MAGI2: variants seen among roughly 807,000 people sequenced by gnomAD.
The protein encoded by MAGI2 is membrane-associated guanylate kinase, WW and PDZ domain-containing protein 2.
Under a neutral mutation model 133.3 loss-of-function variants are expected in MAGI2, and 35 were observed. The observed-to-expected ratio is 0.26, with a 90% confidence interval of 0.20 to 0.35. MAGI2 has a LOEUF of 0.35. Among genes scored for constraint, MAGI2 ranks in the 10% least tolerant of loss-of-function variants. MAGI2 has a pLI of 1.00. For missense variants in MAGI2, 1,636 were observed against 1,863.4 expected (o/e 0.88, Z 2.25); for synonymous variants, 729 against 710.6 (o/e 1.03, Z -0.41).
At chr7:79,337,500 G>A (rs1219377087) in intron 1 of MAGI2, among the ~76,000 whole-genome samples, 1 of 152,186 alleles carries the variant, frequency 6.6e-6, no homozygotes, top group South Asian at 2.1e-4. Flanking sequence ...AGTCAGCAGT[G>A]CAGAAAGAGA....
chr7:78,540,633 A>G (rs1232723121), intron 3 of MAGI2, among the ~76,000 whole-genome samples: 1 of 151,996 alleles, frequency 6.6e-6, no homozygotes, highest in Non-Finnish European at 1.5e-5. Flanking sequence ...TGCTTGATCA[A>G]AATGACTACA....
intron 1 of MAGI2, among the ~76,000 whole-genome samples, chr7:79,379,558 ACTAGTTTATAGTC>A (rs1235202982): frequency 1.3e-5 from 2 of 151,930 alleles, no homozygotes; most frequent in Non-Finnish European, 2.9e-5. Flanking sequence ...CAATGGTTGA[ACTAGTTTATAGTC>A]CCACCAACAG....
chr7:79,191,439 G>C (rs1827663911), intron 1 of MAGI2, among the ~76,000 whole-genome samples: 1 of 52,742 alleles, frequency 1.9e-5, no homozygotes, highest in Non-Finnish European at 3.2e-5. Context: ...TTTTTTTAGA[G>C]ATAGGGTCTC....
rs571821067 is a variant in MAGI2 at position 79,381,445 on chromosome 7, A to G, written c.301+71575T>C. On this transcript the variant is annotated intron_variant, in intron 1 of 21. Transcript: ENST00000354212. ...ATTATGTATACTCTCAATTTGATAT[A>G]TAGAGACATTTCTAGTTCTTTCATC... Among the ~76,000 whole-genome samples the G allele has an allele frequency of 4.3e-4, 65 of 151,910 alleles. 1 individual carries two copies. Among genetic ancestry groups the G allele is most frequent in the African/African-American group, 1.5e-3 (62 of 41,528 alleles).
At chr7:78,927,725 T>G (rs1799822066) in intron 2 of MAGI2, among the ~76,000 whole-genome samples, 1 of 151,990 alleles carries the variant, frequency 6.6e-6, no homozygotes, top group Non-Finnish European at 1.5e-5. Context: ...AAGATAAATA[T>G]TATCAATATT....
chr7:78,841,915 C>A (rs74483934), intron 2 of MAGI2, among the ~76,000 whole-genome samples: 158 of 152,048 alleles, frequency 1.0e-3, no homozygotes, highest in African/African-American at 3.7e-3. Context: ...CCCTGCACCT[C>A]ACCTATGGCA....
At chr7:78,171,104 T>G (rs932018082) in intron 14 of MAGI2, among the ~76,000 whole-genome samples, 1 of 152,248 alleles carries the variant, frequency 6.6e-6, no homozygotes, top group Non-Finnish European at 1.5e-5. Context: ...TGCATTATAT[T>G]TCACTGCTGA....
At chr7:78,767,271 G>A (rs989046143) in intron 2 of MAGI2, among the ~76,000 whole-genome samples, 2 of 152,032 alleles carry the variant, frequency 1.3e-5, no homozygotes, top group Admixed American at 6.6e-5. Flanking sequence ...TTACAGGCGT[G>A]AGCCACCACA....
At chr7:78,614,649 A>G (rs150160225) in intron 3 of MAGI2, 12 of 152,310 alleles carry the variant, frequency 7.9e-5, no homozygotes, top group Admixed American at 2.6e-4. Context: ...CATTTATAGA[A>G]TGCATTTCTG....
At position 78,566,109 on chromosome 7, in the gene MAGI2, G is replaced by T. The variant is rs1424415263; in HGVS notation, c.539-44464C>A. ...GGGGAATTGAGAAAGTCAGAGGTGT[G>T]AGATGGCCCCGTTGATGACATCTCT... On this transcript the variant is annotated intron_variant, in intron 3 of 21. Coordinates refer to ENST00000354212, the MANE Select transcript of MAGI2 (RefSeq NM_012301.4). 9.2e-5 allele frequency among the ~76,000 whole-genome samples: 14 copies of T among 152,268 alleles called. No homozygotes were observed. In the East Asian group the frequency reaches 2.1e-3, roughly 23 times the overall value.
At chr7:78,289,040 G>A (rs566976386) in intron 9 of MAGI2, among the ~76,000 whole-genome samples, 16 of 152,254 alleles carry the variant, frequency 1.1e-4, no homozygotes, top group East Asian at 5.8e-4. Context: ...GAATCAGAGC[G>A]CCTCTTTTCC....
chr7:78,934,301 A>G (rs1488494998), intron 2 of MAGI2, among the ~76,000 whole-genome samples: 3 of 152,070 alleles, frequency 2.0e-5, no homozygotes, highest in African/African-American at 7.2e-5. Flanking sequence ...ACAGCGTTTT[A>G]CTACGTTAGC....
chr7:78,695,920 C>T (rs1335411080), intron 2 of MAGI2, among the ~76,000 whole-genome samples: 2 of 151,966 alleles, frequency 1.3e-5, no homozygotes, highest in Admixed American at 1.3e-4. Flanking sequence ...TCATTGTATA[C>T]CACATAGTTC....
intron 9 of MAGI2, among the ~76,000 whole-genome samples, chr7:78,270,948 C>G (rs1381805663): frequency 6.6e-6 from 1 of 151,986 alleles, no homozygotes; most frequent in Admixed American, 6.6e-5. Context: ...AATTGAATAC[C>G]TTTTTTTTCT....
chr7:78,190,829 C>T (rs1369152869), intron 12 of MAGI2, among the ~76,000 whole-genome samples: 1 of 152,162 alleles, frequency 6.6e-6, no homozygotes, highest in Admixed American at 6.5e-5. Flanking sequence ...AAAACAAATT[C>T]AAGTCCTTCC....
At chr7:79,183,455 G>A (rs781554317) in intron 1 of MAGI2, among the ~76,000 whole-genome samples, 13 of 151,440 alleles carry the variant, frequency 8.6e-5, no homozygotes, top group East Asian at 1.9e-4. Flanking sequence ...TTAGAAAATG[G>A]GAGTTTAAAA....
At chr7:78,626,706 A>T (rs962563082) in intron 3 of MAGI2, among the ~76,000 whole-genome samples, 1 of 152,056 alleles carries the variant, frequency 6.6e-6, no homozygotes, top group Non-Finnish European at 1.5e-5. Flanking sequence ...AAAGCCACAC[A>T]GGGATAATGA....
chr7:78,802,075 C>A (rs1179378237), intron 2 of MAGI2, among the ~76,000 whole-genome samples: 3 of 152,320 alleles, frequency 2.0e-5, no homozygotes, highest in Admixed American at 2.0e-4. Flanking sequence ...TTCTCAGGCT[C>A]TTACACAAAT....
At chr7:78,582,796 T>C (rs943683378) in intron 3 of MAGI2, among the ~76,000 whole-genome samples, 5 of 152,220 alleles carry the variant, frequency 3.3e-5, no homozygotes. Flanking sequence ...AGTTACATTG[T>C]TTGGTTTTGG....
Sources: gnomAD v4.1 joint callset for allele counts (sites outside exome capture counted in the v4.1 genomes callset) on GRCh38, gnomAD v4.1.1 for gene constraint, MANE v1.5 for transcripts, NCBI Gene and HGNC (gene_info 2026-07-23, HGNC 2026-07-21) for gene names.